The following MDGA2 variants were observed in gnomAD, a reference collection of about 807,000 sequenced individuals.
MDGA2 encodes the protein MAM domain-containing glycosylphosphatidylinositol anchor protein 2.
MDGA2 carries 40 observed loss-of-function variants against 117.8 expected under a neutral mutation model. The observed-to-expected ratio is 0.34, with a 90% confidence interval of 0.26 to 0.44. MDGA2 has a LOEUF of 0.44. Among genes scored for constraint, MDGA2 ranks in the 20% least tolerant of loss-of-function variants. The pLI is 1.00. For synonymous variants in MDGA2, 452 were observed against 439.0 expected, an observed-to-expected ratio of 1.03 and a Z score of -0.37; for missense variants, 1,123 against 1,250.6, an observed-to-expected ratio of 0.90 and a Z score of 1.54.
At chr14:46,933,805 T>C (rs1408592488) in intron 9 of MDGA2, among the ~76,000 whole-genome samples, 1 of 18,774 alleles carries the variant, frequency 5.3e-5, no homozygotes, top group Non-Finnish European at 9.6e-5. Flanking sequence ...AACAAATATA[T>C]ATATATATAT....
chr14:47,093,605 A>G (rs562293108), intron 6 of MDGA2, among the ~76,000 whole-genome samples: 1 of 152,094 alleles, frequency 6.6e-6, no homozygotes, highest in South Asian at 2.1e-4. Flanking sequence ...TTAAAAAACT[A>G]TAAGAAAAGG....
At chr14:47,393,561 C>T (rs1891942506) in intron 1 of MDGA2, among the ~76,000 whole-genome samples, 1 of 152,106 alleles carries the variant, frequency 6.6e-6, no homozygotes, top group Non-Finnish European at 1.5e-5. Context: ...TTCCCATCAC[C>T]TTTAAGCTTA....
At chr14:47,600,090 T>G (rs1279619978) in intron 1 of MDGA2, among the ~76,000 whole-genome samples, 2 of 151,980 alleles carry the variant, frequency 1.3e-5, no homozygotes, top group African/African-American at 4.8e-5. Flanking sequence ...ACATTGAATT[T>G]TCTCTTCTAT....
At chr14:47,353,368 T>G (rs977163815) in intron 1 of MDGA2, among the ~76,000 whole-genome samples, 47 of 152,202 alleles carry the variant, frequency 3.1e-4, no homozygotes, top group African/African-American at 1.1e-3. Context: ...TTGTGTCGGA[T>G]GTATGGTCAC....
chr14:47,060,126 T>C (rs968198252), intron 7 of MDGA2, among the ~76,000 whole-genome samples: 1 of 152,108 alleles, frequency 6.6e-6, no homozygotes, highest in East Asian at 1.9e-4. Flanking sequence ...TAGCTTTTTT[T>C]TAAGCTAGAA....
chr14:47,147,465 G>T (rs1244982397), intron 3 of MDGA2, among the ~76,000 whole-genome samples: 3 of 152,156 alleles, frequency 2.0e-5, no homozygotes, highest in African/African-American at 4.8e-5. Flanking sequence ...CCTCAAAGCT[G>T]CCCTGCCCTG....
chr14:47,515,683 AG>A (rs2138702419), intron 1 of MDGA2, among the ~76,000 whole-genome samples: 1 of 152,280 alleles, frequency 6.6e-6, no homozygotes, highest in East Asian at 1.9e-4. Context: ...GGGCAAGTCT[AG>A]AAACATAAGT....
chr14:47,247,442 G>A (rs1887280943), intron 2 of MDGA2, among the ~76,000 whole-genome samples: 1 of 150,850 alleles, frequency 6.6e-6, no homozygotes, highest in South Asian at 2.1e-4. Flanking sequence ...GTAGCTGGAA[G>A]TACAGGCACC....
intron 1 of MDGA2, among the ~76,000 whole-genome samples, chr14:47,353,774 C>A (rs1243148327): frequency 1.3e-5 from 2 of 152,116 alleles, no homozygotes; most frequent in African/African-American, 4.8e-5. Context: ...TTCCAAAGAA[C>A]TGAAGAGGTG....
chr14:47,325,962 G>A (rs1217672728), intron 1 of MDGA2, among the ~76,000 whole-genome samples: 2 of 152,122 alleles, frequency 1.3e-5, no homozygotes, highest in African/African-American at 4.8e-5. Flanking sequence ...AGTTATTGCG[G>A]AAGATGCCCA....
intron 3 of MDGA2, among the ~76,000 whole-genome samples, chr14:47,165,580 A>G (rs571742721): frequency 1.3e-5 from 2 of 152,286 alleles, no homozygotes; most frequent in African/African-American, 4.8e-5. Context: ...AACAGTCTAC[A>G]GATCTTAGGG....
At chr14:47,576,205 CA>C (rs1896112957) in intron 1 of MDGA2, among the ~76,000 whole-genome samples, 1 of 152,036 alleles carries the variant, frequency 6.6e-6, no homozygotes, top group Non-Finnish European at 1.5e-5. Flanking sequence ...AAACCAGTAT[CA>C]AAGTTTTTAT....
rs150387423 is a variant in MDGA2, at chr14:47,451,011, C to T, written c.281-149461G>A. 4.6e-3 allele frequency among the ~76,000 whole-genome samples: 707 copies of T among 152,160 alleles called. 3 individuals are homozygous for T. Among genetic ancestry groups the T allele is most frequent in the Non-Finnish European group, 5.9e-3 (402 of 67,990 alleles). On this transcript the variant is annotated intron_variant, in intron 1 of 16. Transcript: ENST00000399232. ...ACATGCCAGTAACCATGGCTCACCA[C>T]AAAAGGGATACTAAAATGGCAGCTA...
chr14:47,170,361 A>G (rs1359858257), intron 3 of MDGA2, among the ~76,000 whole-genome samples: 1 of 152,196 alleles, frequency 6.6e-6, no homozygotes, highest in East Asian at 1.9e-4. Flanking sequence ...AAATAATGCT[A>G]AATTATTTGT....
rs1344438428 is a variant in MDGA2 at position 47,200,854 on chromosome 14, G to C, written c.595+17167C>G. 7.2e-6 allele frequency: 6 copies of C among 838,616 alleles called. No individual in the cohort carries two copies. The African/African-American group carries it at 1.0e-4, about 14-fold the overall frequency. The allele number at this position is 838,616 out of a possible 1,614,324, so 51.9% of individuals were successfully genotyped here. A position where few individuals can be genotyped will look rare whatever the true frequency, so the allele number is the denominator to read the frequency against. ...CCACCATCCATTTTTTCTTGTCATA[G>C]GGCGGTGGGATGCCGTCAAACACCT... On this transcript the variant is annotated intron_variant, in intron 3 of 16. Coordinates refer to ENST00000399232, the MANE Select transcript of MDGA2 (RefSeq NM_001113498.3).
At chr14:47,359,748 C>CAAAAAAAAAAAAA (rs71448198) in intron 1 of MDGA2, among the ~76,000 whole-genome samples, 2 of 110,784 alleles carry the variant, frequency 1.8e-5, no homozygotes, top group African/African-American at 3.5e-5. Context: ...AAGACTGTCT[C>CAAAAAAAAAAAAA]AAAAAAAAAA....
At chr14:47,550,257 G>A (rs1485494147) in intron 1 of MDGA2, among the ~76,000 whole-genome samples, 1 of 152,126 alleles carries the variant, frequency 6.6e-6, no homozygotes, top group African/African-American at 2.4e-5. Context: ...GATATTTAGT[G>A]ACAATTTCTA....
chr14:46,901,515 C>T (rs1246059965), intron 10 of MDGA2, among the ~76,000 whole-genome samples: 1 of 152,162 alleles, frequency 6.6e-6, no homozygotes, highest in Non-Finnish European at 1.5e-5. Flanking sequence ...CAAACCTATT[C>T]AGCTAAAGTA....
chr14:47,169,279 T>C (rs1884021903), intron 3 of MDGA2, among the ~76,000 whole-genome samples: 1 of 151,930 alleles, frequency 6.6e-6, no homozygotes, highest in South Asian at 2.1e-4. Context: ...TCAGAATATT[T>C]TCTTTCATTT....
Sources: allele counts gnomAD v4.1 joint callset (sites outside exome capture counted in the v4.1 genomes callset), GRCh38; gene constraint gnomAD v4.1.1; transcripts MANE v1.5; gene names NCBI Gene and HGNC (gene_info 2026-07-23, HGNC 2026-07-21).